The following SYTL5 variants were observed in gnomAD, a reference collection of about 807,000 sequenced individuals.
The protein encoded by SYTL5 is synaptotagmin like 5.
In SYTL5, 34 loss-of-function variants were observed where a neutral mutation model predicts 55.9. That is an observed-to-expected ratio of 0.61 (90% confidence interval 0.46 to 0.81). The LOEUF is 0.81. SYTL5 is among the 30% of genes least tolerant of loss of function. SYTL5 has a pLI of 0.00. For synonymous variants in SYTL5, 221 were observed against 188.7 expected, an observed-to-expected ratio of 1.17 and a Z score of -1.40; for missense variants, 637 against 546.7, an observed-to-expected ratio of 1.17 and a Z score of -1.65.
the SYTL5 span, chrX:37,945,865 C>G: frequency 5.9e-6 from 1 of 168,577 alleles, no homozygotes. Flanking sequence ...TTAGAAGGCT[C>G]TATGCAGAGA....
chrX:37,996,252 C>A, the SYTL5 span, among the ~76,000 whole-genome samples: 1 of 112,189 alleles, frequency 8.9e-6, no homozygotes, highest in African/African-American at 3.2e-5. Flanking sequence ...ATGCATCACC[C>A]TGCCAGATCC....
chrX:37,941,547 T>C, the SYTL5 span, among the ~76,000 whole-genome samples: 2 of 111,455 alleles, frequency 1.8e-5, no homozygotes, highest in Admixed American at 1.9e-4. Context: ...GAGGGCTTTT[T>C]TTCCCCTGTG....
At chrX:38,025,445 G>A (rs1934734427) in intron 1 of SYTL5, among the ~76,000 whole-genome samples, 1 of 111,888 alleles carries the variant, frequency 8.9e-6, no homozygotes, top group African/African-American at 3.2e-5. Context: ...TGCTATGAGA[G>A]TATTTGACTA....
At position 38,072,061 on chromosome X, in the gene SYTL5, T is replaced by C. The variant is rs1936279605; in HGVS notation, c.344T>C (p.Ile115Thr). The C allele has an allele frequency of 8.3e-7, 1 of 1,207,686 alleles. No homozygotes were observed. The highest frequency in any genetic ancestry group is 1.1e-6 in the Non-Finnish European group (1 of 891,929). ...VCDKIAQLRI[I>T]TGEWFFEEKA... ...CCCTTGAGTAGGCAGCTAAGGATTATAACTGGTGAGTGGTTTTTTGAAGAA... is the reference window on the plus strand; with the variant it reads ...CCCTTGAGTAGGCAGCTAAGGATTACAACTGGTGAGTGGTTTTTTGAAGAA... The change falls in exon 4 of 17, where the codon ATA (isoleucine) becomes ACA (threonine). Residue 115 changes from isoleucine (I) to threonine (T), a missense_variant. By Grantham distance (89) the Ile-to-Thr change is moderately conservative. Coordinates refer to ENST00000297875, the MANE Select transcript of SYTL5 (RefSeq NM_138780.3).
At chrX:38,125,094 C>T (rs752688615) in intron 15 of SYTL5, among the ~76,000 whole-genome samples, 1 of 111,320 alleles carries the variant, frequency 9.0e-6, no homozygotes, top group East Asian at 2.8e-4. Flanking sequence ...GAAGGAAGGA[C>T]CTAAATAAGA....
At chrX:38,051,321 G>A (rs764549287) in intron 2 of SYTL5, among the ~76,000 whole-genome samples, 1 of 106,618 alleles carries the variant, frequency 9.4e-6, no homozygotes, top group Admixed American at 9.7e-5. Flanking sequence ...ACCACATGAT[G>A]TAAGAAATAT....
chrX:37,994,989 A>G, the SYTL5 span, among the ~76,000 whole-genome samples: 2 of 110,945 alleles, frequency 1.8e-5, no homozygotes, highest in Non-Finnish European at 3.8e-5. Context: ...ATCCCCAGAG[A>G]GCTGAAGCGG....
chrX:38,126,486 AG>A (rs1937647892), intron 16 of SYTL5, 101 bp from the exon 17 acceptor site: 2 of 828,391 alleles, frequency 2.4e-6, no homozygotes, highest in Non-Finnish European at 3.5e-6. Flanking sequence ...AGCCAGTAAA[AG>A]GTACTCTGGT....
chrX:38,000,506 G>A, the SYTL5 span, among the ~76,000 whole-genome samples: 1 of 112,256 alleles, frequency 8.9e-6, no homozygotes, highest in Non-Finnish European at 1.9e-5. Flanking sequence ...AGACTGGTAG[G>A]TTGTGGGGCT....
the SYTL5 span, among the ~76,000 whole-genome samples, chrX:37,954,357 G>T: frequency 2.7e-5 from 3 of 111,819 alleles, no homozygotes; most frequent in African/African-American, 9.7e-5. Context: ...GTAGGGCTGT[G>T]TGATTTTTCT....
At chrX:37,944,635 G>A in the SYTL5 span, among the ~76,000 whole-genome samples, 1 of 111,769 alleles carries the variant, frequency 8.9e-6, no homozygotes, top group Non-Finnish European at 1.9e-5. Context: ...CTGAAAGTAA[G>A]TTAACACCTC....
chrX:37,985,729 T>A, the SYTL5 span, among the ~76,000 whole-genome samples: 1 of 111,060 alleles, frequency 9.0e-6, no homozygotes, highest in East Asian at 2.8e-4. Flanking sequence ...ATTAAAAAAA[T>A]ATTAAAAAAC....
chrX:38,042,774 C>A (rs921147281), intron 2 of SYTL5, among the ~76,000 whole-genome samples: 3 of 111,804 alleles, frequency 2.7e-5, no homozygotes, highest in African/African-American at 9.7e-5. Context: ...GAAGACCCAT[C>A]CCCTCAAAGG....
the SYTL5 span, among the ~76,000 whole-genome samples, chrX:37,899,921 A>C: frequency 9.1e-6 from 1 of 109,742 alleles, no homozygotes; most frequent in East Asian, 2.8e-4. Context: ...ATTTAAAAAA[A>C]ACAAGCAACA....
chrX:38,101,670 T>C (rs1272725903), intron 9 of SYTL5, among the ~76,000 whole-genome samples: 1 of 109,064 alleles, frequency 9.2e-6, no homozygotes, highest in Non-Finnish European at 1.9e-5. Context: ...TGTATATATG[T>C]ATGTGTGTGT....
At chrX:37,981,222 C>T in the SYTL5 span, among the ~76,000 whole-genome samples, 1 of 112,240 alleles carries the variant, frequency 8.9e-6, no homozygotes, top group Admixed American at 9.4e-5. Context: ...GAGATATAGA[C>T]AAAACTGTAA....
the SYTL5 span, among the ~76,000 whole-genome samples, chrX:37,951,997 G>T: frequency 9.0e-6 from 1 of 110,970 alleles, no homozygotes; most frequent in East Asian, 2.8e-4. Flanking sequence ...AGTGGCAAAA[G>T]AAATACAGAG....
At chrX:38,063,097 T>C (rs1040927660) in intron 3 of SYTL5, among the ~76,000 whole-genome samples, 1 of 111,224 alleles carries the variant, frequency 9.0e-6, no homozygotes, top group Non-Finnish European at 1.9e-5. Context: ...GAGTTTTTTT[T>C]TTCATTATTA....
the SYTL5 span, among the ~76,000 whole-genome samples, chrX:38,000,832 C>T: frequency 1.8e-5 from 2 of 111,475 alleles, no homozygotes; most frequent in Admixed American, 9.5e-5. Flanking sequence ...GATCCAGGCC[C>T]GCTCAGTGGC....
Sources: allele counts gnomAD v4.1 joint callset (sites outside exome capture counted in the v4.1 genomes callset), GRCh38; gene constraint gnomAD v4.1.1; transcripts MANE v1.5; gene names NCBI Gene and HGNC (gene_info 2026-07-23, HGNC 2026-07-21).